The following CADM4 variants were observed in gnomAD, a reference collection of about 807,000 sequenced individuals.
The protein encoded by CADM4 is cell adhesion molecule 4, also known as TSLC1-like 2.
In CADM4, 13 loss-of-function variants were observed where a neutral mutation model predicts 43.9. That is an observed-to-expected ratio of 0.30 (90% CI 0.19 to 0.47). CADM4 has a LOEUF of 0.47. Ranked by LOEUF, CADM4 falls within the 20% of genes least tolerant of loss-of-function variation. The pLI is 1.00. For synonymous variants in CADM4, 209 were observed against 220.9 expected, an observed-to-expected ratio of 0.95 and a Z score of 0.48; for missense variants, 420 against 527.0, an observed-to-expected ratio of 0.80 and a Z score of 1.99.
At chr19:43,631,589 G>A (rs1973626377) in intron 1 of CADM4, among the ~76,000 whole-genome samples, 1 of 152,172 alleles carries the variant, frequency 6.6e-6, no homozygotes, top group Non-Finnish European at 1.5e-5. Flanking sequence ...CTTGCAGCAA[G>A]GTAAAGCCAT....
Position 43,630,289 on chromosome 19 carries a change from T to TC in CADM4, c.65-2500_65-2499insG, listed in dbSNP as rs1407960661. Among the ~76,000 whole-genome samples, 7 of 138,208 alleles carry TC rather than the reference T, an allele frequency of 5.1e-5. No homozygotes were observed. In the East Asian group the frequency reaches 1.0e-3, roughly 20 times the overall value. 90.7% of individuals were successfully genotyped at this position (138,208 alleles called of 152,430 possible). ...ATTTCCATTTTTCTTTTCTTTTTTT[T>TC]TTTTTTTTTTTTTTGAGACATTGTC... On this transcript the variant is annotated intron_variant, in intron 1 of 8. Transcript: ENST00000222374.
At chr19:43,624,044 G>C (rs1245218254) in intron 8 of CADM4, 70 bp downstream of exon 8, 2 of 1,580,498 alleles carry the variant, frequency 1.3e-6, no homozygotes, top group African/African-American at 1.4e-5. Flanking sequence ...CGTTACCCTG[G>C]CTCTAGGCCC....
intron 1 of CADM4, among the ~76,000 whole-genome samples, chr19:43,631,047 C>A (rs1973615982): frequency 6.6e-6 from 1 of 151,956 alleles, no homozygotes. Flanking sequence ...TCACGGTAAT[C>A]AAAAGTGTTA....
chr19:43,633,503 G>A (rs1009341719), intron 1 of CADM4, among the ~76,000 whole-genome samples: 7 of 152,166 alleles, frequency 4.6e-5, no homozygotes, highest in African/African-American at 1.7e-4. Context: ...ACTCTAGGAA[G>A]GCAGGGATAT....
chr19:43,635,498 A>T (rs1205413515), intron 1 of CADM4, among the ~76,000 whole-genome samples: 1 of 147,206 alleles, frequency 6.8e-6, no homozygotes, highest in Non-Finnish European at 1.5e-5. Flanking sequence ...CTCCCTCAGG[A>T]CCCAGGAGTC....
chr19:43,624,071 C>T (rs772848451), intron 8 of CADM4, 43 bp downstream of exon 8: 5 of 1,610,468 alleles, frequency 3.1e-6, no homozygotes, highest in Non-Finnish European at 2.5e-6. Context: ...TTTCCGAGCC[C>T]TACAACCAAC....
chr19:43,629,198 G>A (rs568490220), intron 1 of CADM4, among the ~76,000 whole-genome samples: 4 of 152,224 alleles, frequency 2.6e-5, no homozygotes, highest in Non-Finnish European at 1.5e-5. Context: ...TGGCTGAACA[G>A]AGAGGACTCC....
chr19:43,630,829 G>A (rs575552629), intron 1 of CADM4, among the ~76,000 whole-genome samples: 9 of 152,292 alleles, frequency 5.9e-5, no homozygotes, highest in Non-Finnish European at 1.2e-4. Flanking sequence ...GGCCAGTGAA[G>A]GTTTTGAAGC....
chr19:43,628,677 T>C (rs527806407), intron 1 of CADM4, among the ~76,000 whole-genome samples: 3 of 152,322 alleles, frequency 2.0e-5, no homozygotes, highest in African/African-American at 7.2e-5. Context: ...CTTTGACCAA[T>C]AGAATTTGCT....
intron 1 of CADM4, among the ~76,000 whole-genome samples, chr19:43,632,274 T>A (rs1399452789): frequency 6.6e-6 from 1 of 152,136 alleles, no homozygotes; most frequent in Non-Finnish European, 1.5e-5. Context: ...CCAGATCTCA[T>A]CACCTTTGTC....
At chr19:43,638,322 A>T (rs1428199703) in intron 1 of CADM4, among the ~76,000 whole-genome samples, 6 of 152,312 alleles carry the variant, frequency 3.9e-5, no homozygotes, top group Middle Eastern at 3.4e-3. Context: ...ACAGAAAGAG[A>T]AACAGAAGCC....
At chr19:43,633,090 A>AG (rs1568543384) in intron 1 of CADM4, among the ~76,000 whole-genome samples, 4 of 150,966 alleles carry the variant, frequency 2.6e-5, no homozygotes, top group South Asian at 2.1e-4. Flanking sequence ...AAAAAAAAAA[A>AG]AGAGACAGGG....
Position 43,627,387 on chromosome 19 carries a change from G to A in CADM4, c.212-69C>T. ...CCTCACAAGTCCCACCCTTCCGACA[G>A]GAGCTTAGAGTCCAGCCCTCTGCCT... On this transcript the variant is annotated intron_variant, in intron 2 of 8. Transcript: ENST00000222374. This position sits in a 1 kb window ranked among gnomAD's most constrained non-coding sequence, Gnocchi z 4.0. 6.7e-7 allele frequency: 1 copy of A among 1,489,194 alleles called. No homozygotes were observed. The highest frequency in any genetic ancestry group is 9.0e-7 in the Non-Finnish European group (1 of 1,111,976). The allele number at this position is 1,489,194 out of a possible 1,614,324, so 92.2% of individuals were successfully genotyped here.
intron 8 of CADM4, 36 bp downstream of exon 8, chr19:43,624,078 C>G: frequency 6.2e-7 from 1 of 1,611,498 alleles, no homozygotes; most frequent in Non-Finnish European, 8.5e-7. Flanking sequence ...GCCCTACAAC[C>G]AACCAACCGT....
intron 1 of CADM4, among the ~76,000 whole-genome samples, chr19:43,637,832 C>T (rs1973723062): frequency 6.6e-6 from 1 of 152,136 alleles, no homozygotes; most frequent in South Asian, 2.1e-4. Context: ...TTTAAGACGT[C>T]AAGATGCTAG....
Position 43,623,957 on chromosome 19 carries a change from C to T in CADM4, c.1057+157G>A, listed in dbSNP as rs1973481173. Among the ~76,000 whole-genome samples the T allele has an allele frequency of 6.6e-6, 1 of 152,168 alleles. No homozygotes were observed. The highest frequency in any genetic ancestry group is 1.5e-5 in the Non-Finnish European group (1 of 68,028). Reference sequence around the variant, plus strand: ...TTCTACCCCTTTTCGAGTATTGTGCCGAAAGCCCCGCCCCCTTTGTCATCT... The same window carrying T: ...TTCTACCCCTTTTCGAGTATTGTGCTGAAAGCCCCGCCCCCTTTGTCATCT... On this transcript the variant is annotated intron_variant, in intron 8 of 8. Coordinates refer to ENST00000222374, the MANE Select transcript of CADM4 (RefSeq NM_145296.2). The surrounding 1 kb of genome is among the most constrained non-coding windows in gnomAD (Gnocchi z 4.4).
rs1555777268 is a variant in CADM4 at position 43,633,664 on chromosome 19, CTCTT to C, written c.65-5878_65-5875del. Among the ~76,000 whole-genome samples, 654 of 148,456 alleles carry C rather than the reference CTCTT, an allele frequency of 4.4e-3. 5 individuals are homozygous for C. Among genetic ancestry groups the C allele is most frequent in the African/African-American group, 0.014 (573 of 40,072 alleles). On this transcript the variant is annotated intron_variant, in intron 1 of 8. Transcript: ENST00000222374. ...CTTTTTTCTTTCTCTCTTTCTCTCT[CTCTT>C]TCTTTCTCTTTCTTTCTTTTTTCTT...
rs547541097 is a variant in CADM4, at chr19:43,627,721, C to T, written c.134G>A (p.Arg45His). 13 of 1,614,106 alleles carry T rather than the reference C, an allele frequency of 8.1e-6. No homozygotes were observed. The African/African-American group carries it at 9.3e-5, about 12-fold the overall frequency. ...AEGGVAEITC[R>H]LHQYDGSIVV... ...TATGGACCCATCATACTGGTGCAGA[C>T]GGCAGGTGATCTCAGCCACCCCACC... Residue 45 changes from arginine to histidine, a missense_variant, in exon 2 of 9, where the codon CGT becomes CAT. By Grantham distance (29) the Arg-to-His change is conservative. Coordinates refer to ENST00000222374, the MANE Select transcript of CADM4 (RefSeq NM_145296.2). The surrounding 1 kb of genome is among the most constrained non-coding windows in gnomAD (Gnocchi z 4.0).
At chr19:43,630,076 T>C (rs1973594584) in intron 1 of CADM4, among the ~76,000 whole-genome samples, 2 of 151,858 alleles carry the variant, frequency 1.3e-5, no homozygotes, top group Admixed American at 1.3e-4. Flanking sequence ...TGGCTAACTT[T>C]TGTATTTTTT....
Sources: gnomAD v4.1 joint callset for allele counts (sites outside exome capture counted in the v4.1 genomes callset) on GRCh38, gnomAD v4.1.1 for gene constraint, Gnocchi (gnomAD v3.1) non-coding constraint, MANE v1.5 for transcripts, NCBI Gene and HGNC (gene_info 2026-07-23, HGNC 2026-07-21) for gene names.